Variants in CCDC88A observed in about 807,000 individuals in gnomAD.
CCDC88A encodes the protein coiled-coil and HOOK domain protein 88A.
A neutral mutation model predicts 234.3 loss-of-function variants in CCDC88A; 54 were observed. The ratio of observed to expected loss-of-function variants is 0.23; its 90% CI spans 0.19 to 0.29. CCDC88A has a LOEUF of 0.29. CCDC88A is among the 10% of genes least tolerant of loss of function. The pLI is 1.00. For synonymous variants in CCDC88A, 753 were observed against 737.8 expected (o/e 1.02, Z -0.33); for missense variants, 1,832 against 2,123.4 (o/e 0.86, Z 2.70).
At chr2:55,375,577 T>C (rs956424497) in intron 3 of CCDC88A, among the ~76,000 whole-genome samples, 1 of 149,062 alleles carries the variant, frequency 6.7e-6, no homozygotes, top group Admixed American at 6.7e-5. Flanking sequence ...AGCCTGGCTG[T>C]AGTGCAGTGG....
At position 55,335,204 on chromosome 2, in the gene CCDC88A, A is replaced by G. The variant is rs552782192; in HGVS notation, c.1657-40T>C. 2 of 1,262,730 alleles carry G rather than the reference A, an allele frequency of 1.6e-6. No individual in the cohort carries two copies. Among genetic ancestry groups the G allele is most frequent in the Non-Finnish European group, 2.1e-6 (2 of 935,042 alleles). The allele number at this position is 1,262,730 out of a possible 1,614,324, so 78.2% of individuals were successfully genotyped here. On this transcript the variant is annotated intron_variant, in intron 14 of 32. Coordinates refer to ENST00000436346, the MANE Select transcript of CCDC88A (RefSeq NM_001365480.1). The surrounding 1 kb of genome is among the most constrained non-coding windows in gnomAD (Gnocchi z 4.5). ...AAATAATTAAAAGCTGTAATTGAGGAAAAACTAACTATGGTTTATCTCTTC... is the reference window on the plus strand; with the variant it reads ...AAATAATTAAAAGCTGTAATTGAGGGAAAACTAACTATGGTTTATCTCTTC...
At chr2:55,344,687 T>A (rs751300448) in intron 10 of CCDC88A, among the ~76,000 whole-genome samples, 173 bp from the exon 11 acceptor site, 1 of 152,128 alleles carries the variant, frequency 6.6e-6, no homozygotes, top group Non-Finnish European at 1.5e-5. Context: ...TACCCCAGAA[T>A]GCAAACAAAA....
intron 22 of CCDC88A, chr2:55,314,093 G>A (rs1682672114): frequency 6.6e-6 from 1 of 152,216 alleles, no homozygotes; most frequent in Non-Finnish European, 1.5e-5. Flanking sequence ...CAAGTTGCCT[G>A]TGGACTTCCA....
intron 12 of CCDC88A, chr2:55,339,878 C>T (rs1476037622): frequency 2.7e-6 from 1 of 369,752 alleles, no homozygotes; most frequent in African/African-American, 2.1e-5. Flanking sequence ...GTCACCCAGG[C>T]TGGAGTGCAG....
rs1163786507 is a variant in CCDC88A, at chr2:55,352,436, A to AC, written c.801-2838dup. On this transcript the variant is annotated intron_variant, in intron 8 of 32. Coordinates refer to ENST00000436346, the MANE Select transcript of CCDC88A (RefSeq NM_001365480.1). Reference sequence around the variant, plus strand: ...AGTGAGACTCCATCTCAAAAAAAAAACACACAAAAAAACACAAAAAAACAA... The same window carrying AC: ...AGTGAGACTCCATCTCAAAAAAAAAACCACACAAAAAAACACAAAAAAACAA... Among the ~76,000 whole-genome samples, 18 of 142,634 alleles carry AC rather than the reference A, an allele frequency of 1.3e-4. No individual in the cohort carries two copies. The East Asian group carries it at 3.0e-3, about 24-fold the overall frequency. The allele number at this position is 142,634 out of a possible 152,430, so 93.6% of individuals were successfully genotyped here.
intron 2 of CCDC88A, chr2:55,417,656 C>T (rs1681710679): frequency 6.6e-6 from 1 of 151,820 alleles, no homozygotes. Context: ...TATAATACTT[C>T]CCTGTAGGAT....
chr2:55,343,402 C>T (rs1158651639), intron 12 of CCDC88A, among the ~76,000 whole-genome samples: 2 of 152,048 alleles, frequency 1.3e-5, no homozygotes, highest in Non-Finnish European at 2.9e-5. Flanking sequence ...AGGATATTAA[C>T]ATGAAATAGT....
chr2:55,327,369 A>G (rs1032318846), intron 17 of CCDC88A, among the ~76,000 whole-genome samples: 3 of 152,296 alleles, frequency 2.0e-5, no homozygotes, highest in Non-Finnish European at 4.4e-5. Context: ...GCACTGTGGG[A>G]ATCGTAAATC....
intron 2 of CCDC88A, among the ~76,000 whole-genome samples, chr2:55,415,087 T>C (rs1056163216): frequency 1.5e-4 from 22 of 146,320 alleles, no homozygotes; most frequent in African/African-American, 5.0e-4. Context: ...AAAAGGTTCC[T>C]ATAAAAAAAG....
intron 3 of CCDC88A, among the ~76,000 whole-genome samples, chr2:55,380,061 TAAAAAA>T (rs57314271): frequency 1.0e-3 from 76 of 75,390 alleles, no homozygotes; most frequent in African/African-American, 1.5e-3. Flanking sequence ...CTGTCTCTAC[TAAAAAA>T]AAAAAAAAAA....
At chr2:55,321,489 G>A (rs1044189569) in intron 18 of CCDC88A, among the ~76,000 whole-genome samples, 24 of 151,828 alleles carry the variant, frequency 1.6e-4, no homozygotes, top group African/African-American at 5.8e-4. Flanking sequence ...AGGCAGAGCT[G>A]GCAGTGAGCC....
chr2:55,375,661 G>A (rs1226434521), intron 3 of CCDC88A, among the ~76,000 whole-genome samples: 12 of 151,380 alleles, frequency 7.9e-5, no homozygotes, highest in African/African-American at 2.9e-4. Flanking sequence ...CCAGGTAACT[G>A]GGACTAGAGG....
rs779060356 is a variant in CCDC88A at position 55,288,723 on chromosome 2, T to C, written c.*2477A>G. On this transcript the variant is annotated 3_prime_UTR_variant, in exon 33 of 33. Coordinates refer to ENST00000436346, the MANE Select transcript of CCDC88A (RefSeq NM_001365480.1). Reference sequence around the variant, plus strand: ...TGAGCCAAAGCTATTACCCTGTATATTGATTCTTCAGTTTCCTTGAGGGGT... The same window carrying C: ...TGAGCCAAAGCTATTACCCTGTATACTGATTCTTCAGTTTCCTTGAGGGGT... 3 of 152,426 alleles carry C rather than the reference T, an allele frequency of 2.0e-5. No homozygotes were observed. Among genetic ancestry groups the C allele is most frequent in the Non-Finnish European group, 4.4e-5 (3 of 68,032 alleles). 9.4% of individuals were successfully genotyped at this position (152,426 alleles called of 1,614,324 possible). A position where few individuals can be genotyped will look rare whatever the true frequency, so the allele number is the denominator to read the frequency against.
At chr2:55,418,129 T>C (rs1327279913) in intron 2 of CCDC88A, 1 of 152,234 alleles carries the variant, frequency 6.6e-6, no homozygotes, top group Non-Finnish European at 1.5e-5. Context: ...AAACCCAATA[T>C]TATAAACACA....
At chr2:55,361,018 G>A (rs936890490) in intron 7 of CCDC88A, among the ~76,000 whole-genome samples, 1 of 151,922 alleles carries the variant, frequency 6.6e-6, no homozygotes, top group Non-Finnish European at 1.5e-5. Flanking sequence ...CCTGGGAGAC[G>A]GGGGTTGCAG....
chr2:55,336,791 G>T lies in CCDC88A; in HGVS notation c.1546C>A (p.Gln516Lys). The change falls in exon 14 of 33, where the codon CAA (glutamine) becomes AAA (lysine). Residue 516 changes from glutamine to lysine, a missense_variant. Around this residue, in one of 6 missense-constraint regions of CCDC88A, gnomAD observed 1,282 missense variants for 1,543.6 expected, o/e 0.83. Coordinates refer to ENST00000436346, the MANE Select transcript of CCDC88A (RefSeq NM_001365480.1). ...CAATTCTGAAGACTTTGCTTTTCTT[G>T]AACAATCTCATTTTCAAGAATCTCA... ...KVEILENEIVQEKQSLQNCQN... is the reference protein window; with the variant it reads ...KVEILENEIVKEKQSLQNCQN... 6.3e-7 allele frequency: 1 copy of T among 1,578,354 alleles called. No homozygotes were observed. The highest frequency in any genetic ancestry group is 8.6e-7 in the Non-Finnish European group (1 of 1,156,380).
At chr2:55,292,513 G>C (rs1293436463) in intron 31 of CCDC88A, 1 of 152,012 alleles carries the variant, frequency 6.6e-6, no homozygotes, top group East Asian at 1.9e-4. Context: ...GGGACACATC[G>C]GTTCCATATG....
intron 9 of CCDC88A, 89 bp from the exon 10 acceptor site, chr2:55,346,422 T>G: frequency 1.4e-6 from 1 of 699,804 alleles, no homozygotes; most frequent in South Asian, 2.7e-5. Flanking sequence ...TATTTATTTA[T>G]TTATTTATTT....
Position 55,295,621 on chromosome 2 carries a change from C to G in CCDC88A, c.5527G>C (p.Asp1843His). 6.2e-7 allele frequency: 1 copy of G among 1,614,186 alleles called. No individual in the cohort carries two copies. The highest frequency in any genetic ancestry group is 8.5e-7 in the Non-Finnish European group (1 of 1,180,038). The change falls in exon 31 of 33, where the codon GAC becomes CAC. Residue 1843 changes from aspartate (D) to histidine (H), a missense_variant. Coordinates refer to ENST00000436346, the MANE Select transcript of CCDC88A (RefSeq NM_001365480.1). Reference sequence around the variant, plus strand: ...CTAGATGCTGCAGTGGTGTTGCTGTCAGCAGCAGCTGGTGGTGAATCAACT... The same window carrying G: ...CTAGATGCTGCAGTGGTGTTGCTGTGAGCAGCAGCTGGTGGTGAATCAACT... Reference protein sequence around the residue: ...ISVDSPPAAADSNTTAASNVD... With the variant: ...ISVDSPPAAAHSNTTAASNVD...
Sources: gnomAD v4.1 joint callset for allele counts (sites outside exome capture counted in the v4.1 genomes callset) on GRCh38, gnomAD v4.1.1 for gene constraint, gnomAD v4.1.1 regional missense constraint, Gnocchi (gnomAD v3.1) non-coding constraint, MANE v1.5 for transcripts, NCBI Gene and HGNC (gene_info 2026-07-23, HGNC 2026-07-21) for gene names.